Variants in UTP20 observed in about 807,000 individuals in gnomAD.
UTP20 encodes UTP20 small subunit processome component, also known as small subunit processome component 20 homolog.
A neutral mutation model predicts 329.5 loss-of-function variants in UTP20; 164 were observed. The observed-to-expected ratio is 0.50, with a 90% CI of 0.44 to 0.57. The LOEUF is 0.57. UTP20 is among the 20% of genes least tolerant of loss of function. The probability of loss-of-function intolerance (pLI) is 0.00; values close to 1 mark genes in which losing one functional copy is unlikely to be tolerated. For synonymous variants in UTP20, 1,151 were observed against 1,159.3 expected (o/e 0.99, Z 0.14); for missense variants, 3,055 against 3,284.2 (o/e 0.93, Z 1.71).
chr12:101,341,774 G>A (rs7132392), intron 32 of UTP20, among the ~76,000 whole-genome samples: 18,906 of 151,874 alleles, frequency 0.12, 2,572 homozygotes, highest in East Asian at 0.47. Flanking sequence ...GCATGGTGGC[G>A]TATGTCTGTA....
intron 60 of UTP20, among the ~76,000 whole-genome samples, chr12:101,384,497 C>T (rs1214488213): frequency 6.6e-6 from 1 of 152,210 alleles, no homozygotes; most frequent in Admixed American, 6.6e-5. Context: ...GCCGTGATTG[C>T]ACCACTGCAC....
Position 101,285,598 on chromosome 12 carries a change from T to A in UTP20, c.155T>A (p.Leu52Gln). 3 of 1,613,888 alleles carry A rather than the reference T, an allele frequency of 1.9e-6. No homozygotes were observed. Among genetic ancestry groups the A allele is most frequent in the Non-Finnish European group, 2.5e-6 (3 of 1,179,850 alleles). Residue 52 changes from leucine (L) to glutamine (Q), a missense_variant, in exon 3 of 62, where the codon CTG becomes CAG. Around this residue, in one of 3 missense-constraint regions of UTP20, gnomAD observed 2,445 missense variants for 2,575.5 expected, o/e 0.95. Coordinates refer to ENST00000261637, the MANE Select transcript of UTP20 (RefSeq NM_014503.3). ...EEVETYFFEG[L>Q]LKWRELNLTE... ...GTTGAAACCTACTTTTTTGAGGGTC[T>A]GCTGAAATGGAGAGAATTAAACCTC...
At chr12:101,325,347 CA>C (rs1433559302) in intron 25 of UTP20, among the ~76,000 whole-genome samples, 1 of 152,208 alleles carries the variant, frequency 6.6e-6, no homozygotes, top group African/African-American at 2.4e-5. Flanking sequence ...ATGCCTTCTT[CA>C]AGTAGTTTGA....
chr12:101,362,133 TAAG>T, intron 44 of UTP20, 73 bp downstream of exon 44: 1 of 1,037,456 alleles, frequency 9.6e-7, no homozygotes. Flanking sequence ...ATTCACCAAA[TAAG>T]AAATAATAAT....
At chr12:101,372,341 T>G (rs1870321666) in intron 51 of UTP20, among the ~76,000 whole-genome samples, 3 of 152,250 alleles carry the variant, frequency 2.0e-5, no homozygotes, top group Admixed American at 2.0e-4. Context: ...TTTCTTATTG[T>G]CTCGGCCAAC....
rs765632457 is a variant in UTP20, at chr12:101,334,488, T to C, written c.3625T>C (p.Trp1209Arg). Residue 1209 changes from tryptophan (W) to arginine (R), a missense_variant, in exon 29 of 62, where the codon TGG (tryptophan) becomes CGG (arginine). Coordinates refer to ENST00000261637, the MANE Select transcript of UTP20 (RefSeq NM_014503.3). ...PTPLLKLISI[W>R]SRNARYFPLL... ...TCCTCTGCTGAAACTGATCAGTATC[T>C]GGAGCAGAAACGCAAGGTATAACCT... 5 of 1,611,538 alleles carry C rather than the reference T, an allele frequency of 3.1e-6. No homozygotes were observed. The African/African-American group carries it at 5.3e-5, about 17-fold the overall frequency.
At chr12:101,301,057 T>C (rs866411888) in intron 14 of UTP20, among the ~76,000 whole-genome samples, 3 of 152,140 alleles carry the variant, frequency 2.0e-5, no homozygotes, top group Non-Finnish European at 4.4e-5. Context: ...CATATATATA[T>C]TTTTTTAAAC....
chr12:101,306,690 T>G lies in UTP20; in HGVS notation c.1933-9T>G, dbSNP rs762315594. 6.3e-7 allele frequency: 1 copy of G among 1,599,846 alleles called. No homozygotes were observed. The highest frequency in any genetic ancestry group is 8.5e-7 in the Non-Finnish European group (1 of 1,173,822). On this transcript the variant is annotated splice_polypyrimidine_tract_variant and intron_variant, in intron 16 of 61. Coordinates refer to ENST00000261637, the MANE Select transcript of UTP20 (RefSeq NM_014503.3). ...TTGGAATTTGAAAGATGCCTTTTACTTTCTCCAGATTCGGCTTTTGACAAT... is the reference window on the plus strand; with the variant it reads ...TTGGAATTTGAAAGATGCCTTTTACGTTCTCCAGATTCGGCTTTTGACAAT...
chr12:101,329,198 A>ATATCCC, intron 26 of UTP20, 43 bp from the exon 27 acceptor site: 1 of 1,489,064 alleles, frequency 6.7e-7, no homozygotes, highest in Non-Finnish European at 9.3e-7. Context: ...TAACAAACTA[A>ATATCCC]TATGTTACCT....
At chr12:101,347,116 AC>A (rs945243165) in intron 38 of UTP20, among the ~76,000 whole-genome samples, 2 of 152,170 alleles carry the variant, frequency 1.3e-5, no homozygotes, top group African/African-American at 2.4e-5. Context: ...TCTCAGAGAC[AC>A]CCAGAGTCAG....
chr12:101,309,735 A>C (rs370314182), intron 18 of UTP20, 28 bp from the exon 19 acceptor site: 3 of 1,603,442 alleles, frequency 1.9e-6, no homozygotes, highest in Non-Finnish European at 1.7e-6. Flanking sequence ...TCATTACCCA[A>C]TACTAAACTA....
chr12:101,285,583 A>C lies in UTP20; in HGVS notation c.140A>C (p.Tyr47Ser). ...TAATCTTGACAGGAGGTTGAAACCT[A>C]CTTTTTTGAGGGTCTGCTGAAATGG... The part of the protein sequence containing the change: ...TASYEEEVET[Y>S]FFEGLLKWRE... The change falls in exon 3 of 62, where the codon TAC becomes TCC. Residue 47 changes from tyrosine (Y) to serine (S), a missense_variant. Tyr to Ser is a moderately radical substitution (Grantham distance 144). This residue lies in a region of UTP20 where 2,445 missense variants were observed against 2,575.5 expected (regional missense o/e 0.95). Transcript: ENST00000261637. 6.2e-7 allele frequency: 1 copy of C among 1,613,756 alleles called. No homozygotes were observed.
Position 101,342,825 on chromosome 12 carries a change from T to A in UTP20, c.4284T>A (p.Thr1428=), listed in dbSNP as rs764532586. Residue 1428 remains threonine (T), a synonymous_variant, in exon 34 of 62, where the codon ACT becomes ACA. Transcript: ENST00000261637. ...SDFESGLKYI[T]DVVKLNAFDQ... ...TTGAGAGTGGGTTAAAATATATTACTGATGTTGTCAAGGTAAGAAAGAAGG... is the reference window on the plus strand; with the variant it reads ...TTGAGAGTGGGTTAAAATATATTACAGATGTTGTCAAGGTAAGAAAGAAGG... 6.2e-7 allele frequency: 1 copy of A among 1,613,462 alleles called. No individual in the cohort carries two copies. Among genetic ancestry groups the A allele is most frequent in the South Asian group, 1.1e-5 (1 of 90,854 alleles).
chr12:101,386,213 T>G lies in UTP20; in HGVS notation c.*90T>G. The stretch of plus-strand genomic sequence containing the variant: ...GGTTGTCTGGGGTAGGGGGGAGGCG[T>G]TTTTTTTTTTTTTTGAGACAAGGTC... On this transcript the variant is annotated 3_prime_UTR_variant, in exon 62 of 62. Transcript: ENST00000261637. The G allele has an allele frequency of 5.5e-5, 13 of 238,506 alleles. No individual in the cohort carries two copies. Among genetic ancestry groups the G allele is most frequent in the South Asian group, 1.1e-4 (1 of 9,034 alleles). 14.8% of individuals were successfully genotyped at this position (238,506 alleles called of 1,614,324 possible).
intron 25 of UTP20, among the ~76,000 whole-genome samples, chr12:101,326,364 C>T (rs1259050928): frequency 6.6e-6 from 1 of 152,108 alleles, no homozygotes; most frequent in Admixed American, 6.6e-5. Flanking sequence ...TGAGAAAAGA[C>T]TGTTTCCCTC....
intron 19 of UTP20, among the ~76,000 whole-genome samples, 180 bp downstream of exon 19, chr12:101,310,019 G>A (rs77755331): frequency 2.0e-4 from 30 of 152,242 alleles, no homozygotes; most frequent in Non-Finnish European, 3.8e-4. Flanking sequence ...TCTCTCTGAT[G>A]CCACATCTTC....
At chr12:101,351,041 A>G (rs1315859950) in intron 38 of UTP20, among the ~76,000 whole-genome samples, 1 of 152,040 alleles carries the variant, frequency 6.6e-6, no homozygotes, top group African/African-American at 2.4e-5. Context: ...GGTAATTAAT[A>G]AGCCTCACTT....
Position 101,286,337 on chromosome 12 carries a change from G to T in UTP20, c.343G>T (p.Ala115Ser). 6.2e-7 allele frequency: 1 copy of T among 1,607,242 alleles called. No individual in the cohort carries two copies. The highest frequency in any genetic ancestry group is 8.5e-7 in the Non-Finnish European group (1 of 1,176,718). The change falls in exon 5 of 62, where the codon GCA becomes TCA. Residue 115 changes from alanine to serine, a missense_variant. Around this residue, in one of 3 missense-constraint regions of UTP20, gnomAD observed 2,445 missense variants for 2,575.5 expected, o/e 0.95. Coordinates refer to ENST00000261637, the MANE Select transcript of UTP20 (RefSeq NM_014503.3). Reference sequence around the variant, plus strand: ...TTAATCCAGTTTGGTTGTACAGTTGGCACGAGATCTGCAGATGGATTTCTA... The same window carrying T: ...TTAATCCAGTTTGGTTGTACAGTTGTCACGAGATCTGCAGATGGATTTCTA... The part of the protein sequence containing the change: ...QPLLDLVVQL[A>S]RDLQMDFYPH...
chr12:101,309,099 T>G (rs1013748316), intron 18 of UTP20, among the ~76,000 whole-genome samples: 1 of 152,186 alleles, frequency 6.6e-6, no homozygotes, highest in African/African-American at 2.4e-5. Context: ...CAGACCTCTT[T>G]GGGAGTAAGG....
Sources: allele counts gnomAD v4.1 joint callset (sites outside exome capture counted in the v4.1 genomes callset), GRCh38; gene constraint gnomAD v4.1.1; regional missense constraint gnomAD v4.1.1; transcripts MANE v1.5; gene names NCBI Gene and HGNC (gene_info 2026-07-23, HGNC 2026-07-21).